The following NPR2 variants were observed in gnomAD, a reference collection of about 807,000 sequenced individuals.
NPR2 encodes the protein natriuretic peptide receptor 2, also known as atrial natriuretic peptide receptor 2.
Under a neutral mutation model 120.7 loss-of-function variants are expected in NPR2, and 49 were observed. The observed-to-expected ratio is 0.41, with a 90% confidence interval of 0.32 to 0.52. The LOEUF is 0.52. NPR2 is among the 20% of genes least tolerant of loss of function. NPR2 has a pLI of 0.36. For missense variants in NPR2, 931 were observed against 1,362.9 expected (o/e 0.68, Z 4.99); for synonymous variants, 484 against 519.8 (o/e 0.93, Z 0.94).
At chr9:35,796,452 TG>T (rs1356385585) in intron 2 of NPR2, among the ~76,000 whole-genome samples, 1 of 152,234 alleles carries the variant, frequency 6.6e-6, no homozygotes, top group African/African-American at 2.4e-5. Context: ...CTCAAAGTGC[TG>T]GGATTACAGG....
Position 35,808,422 on chromosome 9 carries a change from A to G in NPR2, c.2713-87A>G, listed in dbSNP as rs569978848. 2 of 1,468,174 alleles carry G rather than the reference A, an allele frequency of 1.4e-6. No individual in the cohort carries two copies. The highest frequency in any genetic ancestry group is 1.9e-6 in the Non-Finnish European group (2 of 1,051,806). 90.9% of individuals were successfully genotyped at this position (1,468,174 alleles called of 1,614,324 possible). A position where few individuals can be genotyped will look rare whatever the true frequency, so the allele number is the denominator to read the frequency against. The stretch of plus-strand genomic sequence containing the variant: ...GGTCTCCAGCATGTCAGGATGATTA[A>G]TGATGGTGTCAAGCTTGTCTCCCTC... On this transcript the variant is annotated intron_variant, in intron 18 of 21. Coordinates refer to ENST00000342694, the MANE Select transcript of NPR2 (RefSeq NM_003995.4). This position sits in a 1 kb window ranked among gnomAD's most constrained non-coding sequence, Gnocchi z 4.0.
rs1452127146 is a variant in NPR2 at position 35,791,731 on chromosome 9, A to C, written c.-678A>C. On this transcript the variant is annotated 5_prime_UTR_variant, in exon 1 of 22. Coordinates refer to ENST00000342694, the MANE Select transcript of NPR2 (RefSeq NM_003995.4). ...AGCGCCGGCCGCCAGGGCCCAGGAG[A>C]AGCGGAGCAGAGAGGAGCGGGGACA... 2.0e-5 allele frequency among the ~76,000 whole-genome samples: 3 copies of C among 151,416 alleles called. No individual in the cohort carries two copies. The highest frequency in any genetic ancestry group is 4.9e-5 in the African/African-American group (2 of 41,194).
rs1828336165 is a variant in NPR2 at position 35,805,573 on chromosome 9, T to C, written c.1950T>C (p.Cys650=). ...SSHGSLKSSN[C]VVDSRFVLKI... Reference sequence around the variant, plus strand: ...ATGGGAGTCTCAAGTCCTCCAACTGTGTGGTGGATAGTCGTTTTGTGCTCA... The same window carrying C: ...ATGGGAGTCTCAAGTCCTCCAACTGCGTGGTGGATAGTCGTTTTGTGCTCA... Residue 650 remains cysteine (C), a synonymous_variant, in exon 13 of 22, where the codon TGT becomes TGC. Coordinates refer to ENST00000342694, the MANE Select transcript of NPR2 (RefSeq NM_003995.4). This position sits in a 1 kb window ranked among gnomAD's most constrained non-coding sequence, Gnocchi z 4.9. The C allele has an allele frequency of 6.2e-7, 1 of 1,614,040 alleles. No individual in the cohort carries two copies. The highest frequency in any genetic ancestry group is 8.5e-7 in the Non-Finnish European group (1 of 1,179,892).
chr9:35,800,151 T>C lies in NPR2; in HGVS notation c.1117T>C (p.Tyr373His), dbSNP rs1828094971. The C allele has an allele frequency of 1.2e-6, 2 of 1,613,632 alleles. No individual in the cohort carries two copies. The highest frequency in any genetic ancestry group is 8.5e-7 in the Non-Finnish European group (1 of 1,179,692). Residue 373 changes from tyrosine to histidine, a missense_variant, in exon 4 of 22, where the codon TAT becomes CAT. This residue lies in a region of NPR2 where 681 missense variants were observed against 974.3 expected (regional missense o/e 0.70). Coordinates refer to ENST00000342694, the MANE Select transcript of NPR2 (RefSeq NM_003995.4). This position sits in a 1 kb window ranked among gnomAD's most constrained non-coding sequence, Gnocchi z 4.7. ...RIVEKMQGRR[Y>H]HGVTGLVVMD... ...TGTGGAAAAGATGCAGGGACGAAGATATCACGGTAATGAAGAGGGGTCAAT... is the reference window on the plus strand; with the variant it reads ...TGTGGAAAAGATGCAGGGACGAAGACATCACGGTAATGAAGAGGGGTCAAT...
Position 35,809,592 on chromosome 9 carries a change from C to A in NPR2, c.*147C>A. ...AACCTACCTTATATGGAAGTTGTAG[C>A]CCTCTGCAGCTCAGCCCTGTACATA... On this transcript the variant is annotated 3_prime_UTR_variant, in exon 22 of 22. Coordinates refer to ENST00000342694, the MANE Select transcript of NPR2 (RefSeq NM_003995.4). The surrounding 1 kb of genome is among the most constrained non-coding windows in gnomAD (Gnocchi z 4.1). The A allele has an allele frequency of 7.5e-7, 1 of 1,330,456 alleles. No homozygotes were observed. The highest frequency in any genetic ancestry group is 1.1e-6 in the Non-Finnish European group (1 of 926,280). The allele number at this position is 1,330,456 out of a possible 1,614,324, so 82.4% of individuals were successfully genotyped here.
In NPR2 at chr9:35,809,725, G is replaced by T; in HGVS notation, c.*280G>T. On this transcript the variant is annotated 3_prime_UTR_variant, in exon 22 of 22. Coordinates refer to ENST00000342694, the MANE Select transcript of NPR2 (RefSeq NM_003995.4). This position sits in a 1 kb window ranked among gnomAD's most constrained non-coding sequence, Gnocchi z 4.1. The stretch of plus-strand genomic sequence containing the variant: ...ATAAAACAATAATAAAAAAAGTTCT[G>T]ATGTCATAGTGTGGGATAGGGGCAA... 1 of 1,306,710 alleles carries T rather than the reference G, an allele frequency of 7.7e-7. No homozygotes were observed. The highest frequency in any genetic ancestry group is 1.1e-6 in the Non-Finnish European group (1 of 924,030). 80.9% of individuals were successfully genotyped at this position (1,306,710 alleles called of 1,614,324 possible). A position where few individuals can be genotyped will look rare whatever the true frequency, so the allele number is the denominator to read the frequency against.
Position 35,805,472 on chromosome 9 carries a change from G to C in NPR2, c.1888-39G>C. On this transcript the variant is annotated intron_variant, in intron 12 of 21. Coordinates refer to ENST00000342694, the MANE Select transcript of NPR2 (RefSeq NM_003995.4). This position sits in a 1 kb window ranked among gnomAD's most constrained non-coding sequence, Gnocchi z 4.9. Reference sequence around the variant, plus strand: ...CATGGAGAGAGGGTATTCTAAGCCAGATATGATCCAATCCCATGACTTGAT... The same window carrying C: ...CATGGAGAGAGGGTATTCTAAGCCACATATGATCCAATCCCATGACTTGAT... 1 of 1,609,298 alleles carries C rather than the reference G, an allele frequency of 6.2e-7. No homozygotes were observed. The highest frequency in any genetic ancestry group is 1.3e-5 in the African/African-American group (1 of 74,992).
intron 7 of NPR2, 137 bp downstream of exon 7, chr9:35,801,291 C>T (rs758099511): frequency 4.0e-6 from 3 of 753,594 alleles, no homozygotes; most frequent in South Asian, 1.4e-5. Flanking sequence ...GATCCAACAG[C>T]GTCTTCCTCT....
Position 35,806,635 on chromosome 9 carries a change from G to C in NPR2, c.2519+97G>C. On this transcript the variant is annotated intron_variant, in intron 16 of 21. Coordinates refer to ENST00000342694, the MANE Select transcript of NPR2 (RefSeq NM_003995.4). This position sits in a 1 kb window ranked among gnomAD's most constrained non-coding sequence, Gnocchi z 4.6. ...CTGAGAACTCGCCTCCCCACCCTCA[G>C]AACCCTGCTGGCCACAGGGAGCACC... The C allele has an allele frequency of 7.4e-7, 1 of 1,352,266 alleles. No individual in the cohort carries two copies. Among genetic ancestry groups the C allele is most frequent in the Non-Finnish European group, 1.1e-6 (1 of 945,676 alleles). 83.8% of individuals were successfully genotyped at this position (1,352,266 alleles called of 1,614,324 possible).
In NPR2 at chr9:35,794,069, G is replaced by A. The variant is rs920376052; in HGVS notation, c.839G>A (p.Arg280Gln). The A allele has an allele frequency of 2.0e-5, 32 of 1,614,088 alleles. No homozygotes were observed. Among genetic ancestry groups the A allele is most frequent in the African/African-American group, 1.1e-4 (8 of 74,928 alleles). Reference sequence around the variant, plus strand: ...CGGCCCTGGCAGGACAATCGCACCCGGGAACAGGCCCAGGCCCTCAGAGAG... The same window carrying A: ...CGGCCCTGGCAGGACAATCGCACCCAGGAACAGGCCCAGGCCCTCAGAGAG... ...TGRPWQDNRT[R>Q]EQAQALREAF... Residue 280 changes from arginine to glutamine, a missense_variant, in exon 2 of 22, where the codon CGG becomes CAG. Physicochemically the swap from Arg to Gln is conservative, Grantham distance 43. Around this residue, in one of 3 missense-constraint regions of NPR2, gnomAD observed 681 missense variants for 974.3 expected, o/e 0.70. Transcript: ENST00000342694.
At position 35,807,413 on chromosome 9, in the gene NPR2, C is replaced by T. The variant is rs756863574; in HGVS notation, c.2712+15C>T. 8.4e-6 allele frequency: 9 copies of T among 1,076,034 alleles called. No homozygotes were observed. Among genetic ancestry groups the T allele is most frequent in the South Asian group, 4.8e-5 (3 of 62,450 alleles). The allele number at this position is 1,076,034 out of a possible 1,614,324, so 66.7% of individuals were successfully genotyped here. Reference sequence around the variant, plus strand: ...ATGTCTACAAGGTGAGAGCTGGGGCCGCTGTTCAATAGAAGACCCTTTAAT... The same window carrying T: ...ATGTCTACAAGGTGAGAGCTGGGGCTGCTGTTCAATAGAAGACCCTTTAAT... On this transcript the variant is annotated intron_variant, in intron 18 of 21. Coordinates refer to ENST00000342694, the MANE Select transcript of NPR2 (RefSeq NM_003995.4).
At position 35,792,627 on chromosome 9, in the gene NPR2, C is replaced by T; in HGVS notation, c.219C>T (p.Gly73=). ...GGTTTGTCAGCTCCGAACTGGAAGG[C>T]GCCTGCTCTGAGTACCTGGCACCGC... ...DLRFVSSELE[G]ACSEYLAPLS... Residue 73 remains glycine, a synonymous_variant, in exon 1 of 22, where the codon GGC becomes GGT. Transcript: ENST00000342694. The T allele has an allele frequency of 6.2e-7, 1 of 1,613,956 alleles. No individual in the cohort carries two copies. Among genetic ancestry groups the T allele is most frequent in the African/African-American group, 1.3e-5 (1 of 75,044 alleles).
Position 35,802,723 on chromosome 9 carries a change from A to T in NPR2, c.1816-9A>T. 1 of 1,604,830 alleles carries T rather than the reference A, an allele frequency of 6.2e-7. No homozygotes were observed. Among genetic ancestry groups the T allele is most frequent in the Non-Finnish European group, 8.5e-7 (1 of 1,171,468 alleles). On this transcript the variant is annotated splice_polypyrimidine_tract_variant and intron_variant, in intron 11 of 21. Coordinates refer to ENST00000342694, the MANE Select transcript of NPR2 (RefSeq NM_003995.4). This position sits in a 1 kb window ranked among gnomAD's most constrained non-coding sequence, Gnocchi z 4.2. ...CAGGACAGACAGTCTATTCCATGTC[A>T]CTTACCAGGATATTCTAGAAAATGA...
Position 35,799,459 on chromosome 9 carries a change from C to CAG in NPR2, c.874-148_874-147dup, listed in dbSNP as rs1216205780. Among the ~76,000 whole-genome samples, 10 of 151,576 alleles carry CAG rather than the reference C, an allele frequency of 6.6e-5. 1 individual carries two copies. The East Asian group carries it at 1.9e-3, about 29-fold the overall frequency. ...ACACACACACACGCACACACACACGCAGAGAGAGAGAGGTTAGTAGCCCTT... is the reference window on the plus strand; with the variant it reads ...ACACACACACACGCACACACACACGCAGAGAGAGAGAGAGGTTAGTAGCCCTT... On this transcript the variant is annotated intron_variant, in intron 2 of 21. Coordinates refer to ENST00000342694, the MANE Select transcript of NPR2 (RefSeq NM_003995.4).
intron 2 of NPR2, among the ~76,000 whole-genome samples, chr9:35,794,991 A>G (rs1280667705): frequency 6.6e-6 from 1 of 152,186 alleles, no homozygotes; most frequent in Admixed American, 6.5e-5. Context: ...AGGAATGGAA[A>G]GAAACGCATT....
rs1208582194 is a variant in NPR2 at position 35,794,184 on chromosome 9, C to A, written c.873+81C>A. ...TCTCTCTCACAAGACCCTAAAGAAA[C>A]CCTAGGAACCAGGCAGGAATTGTGA... On this transcript the variant is annotated intron_variant, in intron 2 of 21. Transcript: ENST00000342694. 3.0e-6 allele frequency: 4 copies of A among 1,337,146 alleles called. No homozygotes were observed. The East Asian group carries it at 9.9e-5, about 33-fold the overall frequency. The allele number at this position is 1,337,146 out of a possible 1,614,324, so 82.8% of individuals were successfully genotyped here.
Position 35,806,983 on chromosome 9 carries a change from T to C in NPR2, c.2520-40T>C. 3 of 1,611,610 alleles carry C rather than the reference T, an allele frequency of 1.9e-6. No individual in the cohort carries two copies. The African/African-American group carries it at 4.0e-5, about 21-fold the overall frequency. On this transcript the variant is annotated intron_variant, in intron 16 of 21. Transcript: ENST00000342694. The surrounding 1 kb of genome is among the most constrained non-coding windows in gnomAD (Gnocchi z 4.6). ...CTTTCCCTCTCTCTTCCACTCCTGCTCTCTTGGAGTTTGGCTCATACGGCA... is the reference window on the plus strand; with the variant it reads ...CTTTCCCTCTCTCTTCCACTCCTGCCCTCTTGGAGTTTGGCTCATACGGCA...
chr9:35,806,978 C>A lies in NPR2; in HGVS notation c.2520-45C>A, dbSNP rs762664211. 1 of 1,610,836 alleles carries A rather than the reference C, an allele frequency of 6.2e-7. No individual in the cohort carries two copies. Among genetic ancestry groups the A allele is most frequent in the South Asian group, 1.1e-5 (1 of 90,952 alleles). On this transcript the variant is annotated intron_variant, in intron 16 of 21. Coordinates refer to ENST00000342694, the MANE Select transcript of NPR2 (RefSeq NM_003995.4). This position sits in a 1 kb window ranked among gnomAD's most constrained non-coding sequence, Gnocchi z 4.6. ...ATACACTTTCCCTCTCTCTTCCACTCCTGCTCTCTTGGAGTTTGGCTCATA... is the reference window on the plus strand; with the variant it reads ...ATACACTTTCCCTCTCTCTTCCACTACTGCTCTCTTGGAGTTTGGCTCATA...
In NPR2 at chr9:35,794,104, G is replaced by A. The variant is rs1339385057; in HGVS notation, c.873+1G>A. On this transcript the variant is annotated splice_donor_variant, in intron 2 of 21. Transcript: ENST00000342694. LOFTEE classifies it high-confidence loss of function. ...CCAGGCCCTCAGAGAGGCCTTTCAG[G>A]TATCATTTGAGCCAAATCTGAAGGA... The A allele has an allele frequency of 6.2e-7, 1 of 1,613,154 alleles. No individual in the cohort carries two copies. Among genetic ancestry groups the A allele is most frequent in the Admixed American group, 1.7e-5 (1 of 59,958 alleles).
Sources: gnomAD v4.1 joint callset for allele counts (sites outside exome capture counted in the v4.1 genomes callset) on GRCh38, gnomAD v4.1.1 for gene constraint, gnomAD v4.1.1 regional missense constraint, Gnocchi (gnomAD v3.1) non-coding constraint, MANE v1.5 for transcripts, NCBI Gene and HGNC (gene_info 2026-07-23, HGNC 2026-07-21) for gene names.